SH3BP5: variants seen among roughly 807,000 people sequenced by gnomAD.
The protein encoded by SH3BP5 is SH3 domain binding protein 5.
Under a neutral mutation model 43.3 loss-of-function variants are expected in SH3BP5, and 22 were observed. The observed-to-expected ratio is 0.51, with a 90% CI of 0.36 to 0.73. The LOEUF (loss-of-function observed/expected upper bound fraction) is 0.73. Among genes scored for constraint, SH3BP5 ranks in the 30% least tolerant of loss-of-function variants. SH3BP5 has a pLI of 0.00. For missense variants in SH3BP5, 529 were observed against 586.9 expected, an observed-to-expected ratio of 0.90 and a Z score of 1.02; for synonymous variants, 255 against 225.8, an observed-to-expected ratio of 1.13 and a Z score of -1.16.
chr3:15,256,270 C>T lies in SH3BP5; in HGVS notation c.1184G>A (p.Ser395Asn). The T allele has an allele frequency of 6.2e-7, 1 of 1,614,220 alleles. No homozygotes were observed. Among genetic ancestry groups the T allele is most frequent in the Middle Eastern group, 1.7e-4 (1 of 6,060 alleles). The part of the protein sequence containing the change: ...DRAEGAENKT[S>N]DKANNNRGLS... Reference sequence around the variant, plus strand: ...GCCCCGGTTGTTGTTGGCTTTGTCACTTGTTTTATTCTCTGCCCCTTCTGC... The same window carrying T: ...GCCCCGGTTGTTGTTGGCTTTGTCATTTGTTTTATTCTCTGCCCCTTCTGC... Residue 395 changes from serine to asparagine, a missense_variant, in exon 9 of 9, where the codon AGT becomes AAT. By Grantham distance (46) the Ser-to-Asn change is conservative. Transcript: ENST00000383791.
intron 5 of SH3BP5, chr3:15,260,732 A>G (rs1696405713): frequency 6.6e-6 from 1 of 152,396 alleles, no homozygotes; most frequent in South Asian, 2.1e-4. Context: ...ATGAGCATCC[A>G]TGCAAGGGAG....
chr3:15,272,598 C>CAT (rs60224871), intron 3 of SH3BP5, among the ~76,000 whole-genome samples: 124 of 74,652 alleles, frequency 1.7e-3, no homozygotes, highest in African/African-American at 2.5e-3. Flanking sequence ...AGGATAAAGA[C>CAT]ATTACAAAAC....
At chr3:15,297,708 C>A (rs1394728098) in intron 3 of SH3BP5, among the ~76,000 whole-genome samples, 1 of 152,054 alleles carries the variant, frequency 6.6e-6, no homozygotes, top group Non-Finnish European at 1.5e-5. Context: ...AATGACCAGG[C>A]TAGCCTGGTG....
chr3:15,338,596 T>C (rs910036454), intron 1 of SH3BP5, among the ~76,000 whole-genome samples: 1 of 152,132 alleles, frequency 6.6e-6, no homozygotes, highest in South Asian at 2.1e-4. Flanking sequence ...GACATAGCCT[T>C]TATAAATTTG....
chr3:15,287,601 T>C (rs1479984883), intron 3 of SH3BP5, among the ~76,000 whole-genome samples: 9 of 152,172 alleles, frequency 5.9e-5, no homozygotes. Context: ...CAATGAATTT[T>C]TGGTTTAATT....
At chr3:15,294,433 ATCC>A (rs1008934344) in intron 3 of SH3BP5, among the ~76,000 whole-genome samples, 2 of 151,302 alleles carry the variant, frequency 1.3e-5, no homozygotes, top group Non-Finnish European at 2.9e-5. Context: ...CCTCCCTTCC[ATCC>A]TCCTTTCTTC....
chr3:15,258,523 A>T, intron 7 of SH3BP5: 1 of 414,032 alleles, frequency 2.4e-6, no homozygotes, highest in Non-Finnish European at 4.4e-6. Context: ...ATCAAATCTG[A>T]TTACAGCTCT....
intron 3 of SH3BP5, among the ~76,000 whole-genome samples, chr3:15,301,732 C>G (rs1255908343): frequency 1.3e-5 from 2 of 152,036 alleles, no homozygotes. Context: ...AAGGCAAGTC[C>G]AAAGACCTGA....
At position 15,256,913 on chromosome 3, in the gene SH3BP5, C is replaced by G. The variant is rs1240092302; in HGVS notation, c.1090G>C (p.Val364Leu). Reference sequence around the variant, plus strand: ...CTGCATTCACTTCGAGGGCCCAACACTGGGAACATCATCCCAAACTCTGAC... The same window carrying G: ...CTGCATTCACTTCGAGGGCCCAACAGTGGGAACATCATCCCAAACTCTGAC... ...SLSEFGMMFP[V>L]LGPRSECSGA... is the part of the protein sequence containing the mutation. Residue 364 changes from valine (V) to leucine (L), a missense_variant, in exon 8 of 9, where the codon GTG becomes CTG. By Grantham distance (32) the Val-to-Leu change is conservative (BLOSUM62 1). Around this residue, in one of 3 missense-constraint regions of SH3BP5, gnomAD observed 369 missense variants for 384.3 expected, o/e 0.96. Coordinates refer to ENST00000383791, the MANE Select transcript of SH3BP5 (RefSeq NM_004844.5). 1.2e-6 allele frequency: 2 copies of G among 1,614,190 alleles called. No homozygotes were observed. The highest frequency in any genetic ancestry group is 1.7e-6 in the Non-Finnish European group (2 of 1,180,004).
At chr3:15,293,992 C>T (rs907190448) in intron 3 of SH3BP5, among the ~76,000 whole-genome samples, 1 of 149,934 alleles carries the variant, frequency 6.7e-6, no homozygotes, top group African/African-American at 2.5e-5. Context: ...ACAGAAGAAT[C>T]GCTTCAACCT....
At chr3:15,284,781 T>C (rs1697219869) in intron 3 of SH3BP5, among the ~76,000 whole-genome samples, 1 of 152,074 alleles carries the variant, frequency 6.6e-6, no homozygotes, top group Admixed American at 6.5e-5. Context: ...ACTCTGCAAC[T>C]CAGAAGCCCA....
intron 2 of SH3BP5, among the ~76,000 whole-genome samples, chr3:15,317,964 C>G (rs1698224822): frequency 6.6e-6 from 1 of 152,200 alleles, no homozygotes; most frequent in Admixed American, 6.5e-5. Context: ...GAATATGCAT[C>G]TGCTATGCCT....
intron 3 of SH3BP5, among the ~76,000 whole-genome samples, chr3:15,284,943 T>C (rs1406453272): frequency 1.3e-5 from 2 of 152,168 alleles, no homozygotes; most frequent in African/African-American, 2.4e-5. Flanking sequence ...CCTTTGGAGT[T>C]AAGATGCTAC....
intron 3 of SH3BP5, among the ~76,000 whole-genome samples, chr3:15,292,051 G>A (rs923075223): frequency 1.3e-5 from 2 of 152,162 alleles, no homozygotes; most frequent in African/African-American, 4.8e-5. Context: ...GACAAAACTC[G>A]TAGCAGAAAC....
At chr3:15,336,380 T>C (rs1698701053), upstream of SH3BP5, among the ~76,000 whole-genome samples, 1 of 152,108 alleles carries the variant, frequency 6.6e-6, no homozygotes, top group Non-Finnish European at 1.5e-5. Context: ...GGAATTTGGA[T>C]TTTGTTCTGA....
rs1575324204 is a variant in SH3BP5 at position 15,298,444 on chromosome 3, A to G, written c.330+5659T>C. Among the ~76,000 whole-genome samples the G allele has an allele frequency of 3.3e-5, 5 of 152,292 alleles. No homozygotes were observed. In the East Asian group the frequency reaches 7.7e-4, roughly 23 times the overall value. On this transcript the variant is annotated intron_variant, in intron 3 of 8. Transcript: ENST00000383791. The stretch of plus-strand genomic sequence containing the variant: ...GACATGGCCTTATATAGCCCCACAG[A>G]CACAAAACAGGCAACTTTCAGCACT...
intron 2 of SH3BP5, among the ~76,000 whole-genome samples, chr3:15,324,430 A>G (rs1027416901): frequency 5.9e-5 from 9 of 152,294 alleles, no homozygotes; most frequent in Admixed American, 4.6e-4. Flanking sequence ...CCCACACAGG[A>G]TTTGCTGCAG....
intron 2 of SH3BP5, among the ~76,000 whole-genome samples, chr3:15,307,050 A>G (rs1697929788): frequency 6.6e-6 from 1 of 152,104 alleles, no homozygotes; most frequent in Non-Finnish European, 1.5e-5. Flanking sequence ...AATTCATTCC[A>G]TCATCCCAAG....
intron 3 of SH3BP5, among the ~76,000 whole-genome samples, chr3:15,296,367 C>T (rs945464325): frequency 4.6e-5 from 7 of 151,262 alleles, no homozygotes; most frequent in Admixed American, 3.3e-4. Context: ...CACACACACA[C>T]ACCCCTATCC....
Sources: allele counts gnomAD v4.1 joint callset (sites outside exome capture counted in the v4.1 genomes callset), GRCh38; gene constraint gnomAD v4.1.1; regional missense constraint gnomAD v4.1.1; transcripts MANE v1.5; gene names NCBI Gene and HGNC (gene_info 2026-07-23, HGNC 2026-07-21).